PPARA: variants seen among roughly 807,000 people sequenced by gnomAD.
PPARA encodes peroxisome proliferator activated receptor alpha.
PPARA carries 22 observed loss-of-function variants against 42.2 expected under a neutral mutation model. That is an observed-to-expected ratio of 0.52 (90% confidence interval 0.37 to 0.74). The LOEUF is 0.74. PPARA is among the 30% of genes least tolerant of loss of function. The probability of loss-of-function intolerance (pLI) is 0.00; values close to 1 mark genes in which losing one functional copy is unlikely to be tolerated. For synonymous variants in PPARA, 242 were observed against 239.3 expected, an observed-to-expected ratio of 1.01 and a Z score of -0.10; for missense variants, 465 against 608.2, an observed-to-expected ratio of 0.76 and a Z score of 2.48.
Position 46,188,468 on chromosome 22 carries a change from T to G in PPARA, c.-42-9874T>G, listed in dbSNP as rs982767582. 6.6e-6 allele frequency among the ~76,000 whole-genome samples: 1 copy of G among 151,974 alleles called. No individual in the cohort carries two copies. Among genetic ancestry groups the G allele is most frequent in the African/African-American group, 2.4e-5 (1 of 41,242 alleles). ...ATGTAGGCTCCCTGGCCCTCCAGGA[T>G]TCCCCCAGTAACAGCCCTCATCATG... On this transcript the variant is annotated intron_variant, in intron 3 of 8. Coordinates refer to ENST00000407236, the MANE Select transcript of PPARA (RefSeq NM_005036.6). The surrounding 1 kb of genome is among the most constrained non-coding windows in gnomAD (Gnocchi z 5.0).
At chr22:46,189,009 C>G (rs1431335713) in intron 3 of PPARA, among the ~76,000 whole-genome samples, 1 of 152,230 alleles carries the variant, frequency 6.6e-6, no homozygotes, top group Non-Finnish European at 1.5e-5. Flanking sequence ...CGTCATCTGG[C>G]TGCTAAATGC....
rs1555959734 is a variant in PPARA, at chr22:46,227,150, A to ATTTTTTTTTTTTTTTTTTTTTTTT, written c.712-4638_712-4637insTTTTTTTTTTTTTTTTTTTTTTTT. ...CTTTAGATTAAAAAATGTGCTTCATATTTTATGCCATTTCTACAAATGTAT... is the reference window on the plus strand; with the variant it reads ...CTTTAGATTAAAAAATGTGCTTCATATTTTTTTTTTTTTTTTTTTTTTTTTTTTATGCCATTTCTACAAATGTAT... On this transcript the variant is annotated intron_variant, in intron 7 of 8. Coordinates refer to ENST00000407236, the MANE Select transcript of PPARA (RefSeq NM_005036.6). This position sits in a 1 kb window ranked among gnomAD's most constrained non-coding sequence, Gnocchi z 4.3. Among the ~76,000 whole-genome samples, 1 of 151,736 alleles carries ATTTTTTTTTTTTTTTTTTTTTTTT rather than the reference A, an allele frequency of 6.6e-6. No individual in the cohort carries two copies. Among genetic ancestry groups the ATTTTTTTTTTTTTTTTTTTTTTTT allele is most frequent in the African/African-American group, 2.4e-5 (1 of 41,070 alleles).
At position 46,200,706 on chromosome 22, in the gene PPARA, A is replaced by G. The variant is rs1440001450; in HGVS notation, c.208+2115A>G. ...TGAGGCAGGCGGATCACCCGAGGTC[A>G]GGAGTTCAAGACCAGTCTGGCCAAC... On this transcript the variant is annotated intron_variant, in intron 4 of 8. Transcript: ENST00000407236. This position sits in a 1 kb window ranked among gnomAD's most constrained non-coding sequence, Gnocchi z 4.8. Among the ~76,000 whole-genome samples the G allele has an allele frequency of 2.0e-5, 3 of 152,204 alleles. No homozygotes were observed. Among genetic ancestry groups the G allele is most frequent in the Admixed American group, 6.5e-5 (1 of 15,284 alleles).
At chr22:46,229,038 C>T (rs939637233) in intron 7 of PPARA, among the ~76,000 whole-genome samples, 6 of 150,312 alleles carry the variant, frequency 4.0e-5, no homozygotes, top group South Asian at 2.1e-4. Flanking sequence ...ACCCGGGAGG[C>T]GGAGCTTGCT....
At chr22:46,168,887 T>G (rs574486258) in intron 2 of PPARA, among the ~76,000 whole-genome samples, 2 of 151,994 alleles carry the variant, frequency 1.3e-5, no homozygotes, top group Non-Finnish European at 2.9e-5. Flanking sequence ...ACCACTTACA[T>G]TATTATCGAA....
chr22:46,223,989 T>C (rs1276910636), intron 7 of PPARA, among the ~76,000 whole-genome samples: 2 of 151,568 alleles, frequency 1.3e-5, no homozygotes, highest in Non-Finnish European at 2.9e-5. Flanking sequence ...ATGAATAGTT[T>C]AGGATTGGGG....
rs893359449 is a variant in PPARA, at chr22:46,189,712, C to T, written c.-42-8630C>T. 1.5e-3 allele frequency among the ~76,000 whole-genome samples: 220 copies of T among 143,144 alleles called. 1 individual carries two copies. The highest frequency in any genetic ancestry group is 5.5e-3 in the African/African-American group (214 of 39,148). The allele number at this position is 143,144 out of a possible 152,430, so 93.9% of individuals were successfully genotyped here. A position where few individuals can be genotyped will look rare whatever the true frequency, so the allele number is the denominator to read the frequency against. ...TCTTTTCTTTCTTTCTATTTTTTTT[C>T]TTTTTTTTTTTTGAGACAGAGTCTT... On this transcript the variant is annotated intron_variant, in intron 3 of 8. Transcript: ENST00000407236.
chr22:46,231,922 T>C lies in PPARA; in HGVS notation c.842T>C (p.Val281Ala). ...TTTCACTGCTGCCAGTGCACGTCAG[T>C]GGAGACCGTCACGGAGCTCACGGAA... is the stretch of plus-strand genomic sequence containing the variant. ...RIFHCCQCTS[V>A]ETVTELTEFA... Residue 281 changes from valine to alanine, a missense_variant, in exon 8 of 9, where the codon GTG becomes GCG. Val to Ala is a moderately conservative substitution (Grantham distance 64, BLOSUM62 0). This residue lies in a region of PPARA where 313 missense variants were observed against 469.1 expected (regional missense o/e 0.67). Transcript: ENST00000407236. The surrounding 1 kb of genome is among the most constrained non-coding windows in gnomAD (Gnocchi z 7.7). 1 of 1,614,228 alleles carries C rather than the reference T, an allele frequency of 6.2e-7. No individual in the cohort carries two copies. Among genetic ancestry groups the C allele is most frequent in the Non-Finnish European group, 8.5e-7 (1 of 1,180,052 alleles).
rs1184064406 is a variant in PPARA at position 46,216,345 on chromosome 22, T to G, written c.369+1012T>G. Among the ~76,000 whole-genome samples, 5 of 151,076 alleles carry G rather than the reference T, an allele frequency of 3.3e-5. No individual in the cohort carries two copies. Among genetic ancestry groups the G allele is most frequent in the African/African-American group, 1.2e-4 (5 of 40,866 alleles). ...TTGCAGTGAGCTGAGATCGAGCCATTTCACTCCAGCCTAGGCGACAAGAGT... is the reference window on the plus strand; with the variant it reads ...TTGCAGTGAGCTGAGATCGAGCCATGTCACTCCAGCCTAGGCGACAAGAGT... On this transcript the variant is annotated intron_variant, in intron 5 of 8. Coordinates refer to ENST00000407236, the MANE Select transcript of PPARA (RefSeq NM_005036.6). The surrounding 1 kb of genome is among the most constrained non-coding windows in gnomAD (Gnocchi z 4.5).
At chr22:46,185,246 TCTATTA>T (rs1930499244) in intron 3 of PPARA, among the ~76,000 whole-genome samples, 1 of 152,206 alleles carries the variant, frequency 6.6e-6, no homozygotes, top group African/African-American at 2.4e-5. Flanking sequence ...TTCCAACCCT[TCTATTA>T]GGTTTGCAAT....
rs1934408630 is a variant in PPARA at position 46,215,622 on chromosome 22, A to G, written c.369+289A>G. On this transcript the variant is annotated intron_variant, in intron 5 of 8. Transcript: ENST00000407236. Reference sequence around the variant, plus strand: ...CCAGGCGTGGTGGTGGGCGCCTGTAAGCCCAGCTACTCGAGAGGCAAAGAC... The same window carrying G: ...CCAGGCGTGGTGGTGGGCGCCTGTAGGCCCAGCTACTCGAGAGGCAAAGAC... Among the ~76,000 whole-genome samples, 4 of 152,016 alleles carry G rather than the reference A, an allele frequency of 2.6e-5. No individual in the cohort carries two copies. In the South Asian group the frequency reaches 8.3e-4, roughly 32 times the overall value.
chr22:46,220,230 C>A (rs1477173315), intron 7 of PPARA: 3 of 628,012 alleles, frequency 4.8e-6, no homozygotes, highest in Non-Finnish European at 8.4e-6. Context: ...AAGCTCTTAG[C>A]AACTAAGTTA....
At chr22:46,197,093 C>A (rs538830877) in intron 3 of PPARA, among the ~76,000 whole-genome samples, 1 of 151,118 alleles carries the variant, frequency 6.6e-6, no homozygotes, top group Non-Finnish European at 1.5e-5. Flanking sequence ...TCTGTCGCCC[C>A]GGCTAGAGTG....
chr22:46,196,188 A>G lies in PPARA; in HGVS notation c.-42-2154A>G, dbSNP rs1932214949. Among the ~76,000 whole-genome samples the G allele has an allele frequency of 6.6e-6, 1 of 152,188 alleles. No individual in the cohort carries two copies. On this transcript the variant is annotated intron_variant, in intron 3 of 8. Coordinates refer to ENST00000407236, the MANE Select transcript of PPARA (RefSeq NM_005036.6). This position sits in a 1 kb window ranked among gnomAD's most constrained non-coding sequence, Gnocchi z 5.6. ...TTTAGGATGTTTCAGCGAGAGCATG[A>G]TACAGACTAACCCAGGAAGAACCGC...
At position 46,187,296 on chromosome 22, in the gene PPARA, C is replaced by A. The variant is rs960037550; in HGVS notation, c.-43+10460C>A. On this transcript the variant is annotated intron_variant, in intron 3 of 8. Coordinates refer to ENST00000407236, the MANE Select transcript of PPARA (RefSeq NM_005036.6). The surrounding 1 kb of genome is among the most constrained non-coding windows in gnomAD (Gnocchi z 4.9). ...GGTGCATTGGCTCATGCCTGTAATC[C>A]CTTCTCTCCATGCTCAAAACCTGCC... Among the ~76,000 whole-genome samples, 9 of 152,188 alleles carry A rather than the reference C, an allele frequency of 5.9e-5. No individual in the cohort carries two copies. Among genetic ancestry groups the A allele is most frequent in the African/African-American group, 2.2e-4 (9 of 41,438 alleles).
intron 2 of PPARA, among the ~76,000 whole-genome samples, chr22:46,168,880 A>G (rs1927536776): frequency 6.6e-6 from 1 of 152,030 alleles, no homozygotes; most frequent in South Asian, 2.1e-4. Flanking sequence ...AAATAATACC[A>G]CTTACATTAT....
intron 2 of PPARA, among the ~76,000 whole-genome samples, chr22:46,159,903 G>A (rs755230982): frequency 8.5e-5 from 13 of 152,358 alleles, no homozygotes; most frequent in Middle Eastern, 6.8e-3. Context: ...TGGGTTGTGG[G>A]TGCCTAGTGA....
In PPARA at chr22:46,225,627, A is replaced by AC. The variant is rs1935358491; in HGVS notation, c.711+5613_711+5614insC. Among the ~76,000 whole-genome samples, 1 of 150,888 alleles carries AC rather than the reference A, an allele frequency of 6.6e-6. No homozygotes were observed. Among genetic ancestry groups the AC allele is most frequent in the Non-Finnish European group, 1.5e-5 (1 of 67,670 alleles). On this transcript the variant is annotated intron_variant, in intron 7 of 8. Transcript: ENST00000407236. This position sits in a 1 kb window ranked among gnomAD's most constrained non-coding sequence, Gnocchi z 4.1. Reference sequence around the variant, plus strand: ...CACATCCATGCATGCATGTGTACACAAACACACCCACACATACACATGCAC... The same window carrying AC: ...CACATCCATGCATGCATGTGTACACACAACACACCCACACATACACATGCAC...
intron 3 of PPARA, among the ~76,000 whole-genome samples, chr22:46,177,165 C>T (rs927047983): frequency 2.6e-5 from 4 of 152,056 alleles, no homozygotes; most frequent in African/African-American, 7.2e-5. Flanking sequence ...GAGCCAAGAT[C>T]ACGCCACTGC....
Sources: gnomAD v4.1 joint callset for allele counts (sites outside exome capture counted in the v4.1 genomes callset) on GRCh38, gnomAD v4.1.1 for gene constraint, gnomAD v4.1.1 regional missense constraint, Gnocchi (gnomAD v3.1) non-coding constraint, MANE v1.5 for transcripts, NCBI Gene and HGNC (gene_info 2026-07-23, HGNC 2026-07-21) for gene names.